CFH: variants seen among roughly 807,000 people sequenced by gnomAD.
CFH encodes H factor 1 (complement).
In CFH, 53 loss-of-function variants were observed where a neutral mutation model predicts 147.3. That is an observed-to-expected ratio of 0.36 (90% CI 0.29 to 0.45). The LOEUF (loss-of-function observed/expected upper bound fraction) is 0.45. Among genes scored for constraint, CFH ranks in the 20% least tolerant of loss-of-function variants. The pLI is 1.00. For missense variants in CFH, 1,380 were observed against 1,498.0 expected (o/e 0.92, Z 1.30); for synonymous variants, 536 against 489.4 (o/e 1.10, Z -1.26).
intron 15 of CFH, among the ~76,000 whole-genome samples, chr1:196,732,119 A>G (rs893592210): frequency 1.3e-5 from 2 of 152,000 alleles, no homozygotes; most frequent in Non-Finnish European, 2.9e-5. Context: ...GTGATAATGC[A>G]TACGTTATTC....
Position 196,745,922 on chromosome 1 carries a change from A to G in CFH, c.3416A>G (p.Gln1139Arg). The change falls in exon 21 of 22, where the codon CAG becomes CGG. Residue 1139 changes from glutamine to arginine, a missense_variant. Around this residue, in one of 4 missense-constraint regions of CFH, gnomAD observed 123 missense variants for 185.3 expected, o/e 0.66. Coordinates refer to ENST00000367429, the MANE Select transcript of CFH (RefSeq NM_000186.4). ...GCTTCATCAGTTGAGTACCAATGCC[A>G]GAACTTGTATCAACTTGAGGGTAAC... is the stretch of plus-strand genomic sequence containing the variant. ...APASSVEYQCQNLYQLEGNKR... is the reference protein window; with the variant it reads ...APASSVEYQCRNLYQLEGNKR... The G allele has an allele frequency of 6.2e-7, 1 of 1,614,160 alleles. No individual in the cohort carries two copies. The highest frequency in any genetic ancestry group is 2.2e-5 in the East Asian group (1 of 44,854).
chr1:196,728,595 T>C lies in CFH; in HGVS notation c.2413+73T>C. 8.3e-6 allele frequency: 12 copies of C among 1,440,174 alleles called. No individual in the cohort carries two copies. The South Asian group carries it at 1.4e-4, about 17-fold the overall frequency. The allele number at this position is 1,440,174 out of a possible 1,614,324, so 89.2% of individuals were successfully genotyped here. A position where few individuals can be genotyped will look rare whatever the true frequency, so the allele number is the denominator to read the frequency against. ...AAAAGTAATAGGTATGTGTGTCTTTTAAAAACTTTAGCTATTTATTATTAC... is the reference window on the plus strand; with the variant it reads ...AAAAGTAATAGGTATGTGTGTCTTTCAAAAACTTTAGCTATTTATTATTAC... On this transcript the variant is annotated intron_variant, in intron 15 of 21. Coordinates refer to ENST00000367429, the MANE Select transcript of CFH (RefSeq NM_000186.4).
At position 196,679,676 on chromosome 1, in the gene CFH, ATTAT is replaced by A; in HGVS notation, c.678_681del (p.Tyr227ArgfsTer53). 6.2e-7 allele frequency: 1 copy of A among 1,607,774 alleles called. No homozygotes were observed. The highest frequency in any genetic ancestry group is 8.5e-7 in the Non-Finnish European group (1 of 1,175,144). On this transcript the variant is annotated frameshift_variant, in exon 6 of 22. Transcript: ENST00000367429. LOFTEE classifies it high-confidence loss of function. ...AAATGGATCTCCTATATCTCAGAAG[ATTAT>A]TTATAAGGAGAATGAACGATTTCAA...
chr1:196,686,750 T>A (rs1667842710), intron 7 of CFH, among the ~76,000 whole-genome samples: 1 of 152,118 alleles, frequency 6.6e-6, no homozygotes, highest in Non-Finnish European at 1.5e-5. Flanking sequence ...CCCAAATGTA[T>A]CTAAACCAAC....
intron 6 of CFH, among the ~76,000 whole-genome samples, chr1:196,682,280 TAACTTCA>T (rs1335792846): frequency 1.3e-5 from 2 of 151,946 alleles, no homozygotes; most frequent in African/African-American, 2.4e-5. Context: ...ATTAGTATTC[TAACTTCA>T]AATGACCAAT....
chr1:196,679,700 T>C lies in CFH; in HGVS notation c.697T>C (p.Phe233Leu). The C allele has an allele frequency of 4.3e-6, 7 of 1,610,570 alleles. No homozygotes were observed. The highest frequency in any genetic ancestry group is 5.9e-6 in the Non-Finnish European group (7 of 1,177,460). ...QKIIYKENERFQYKCNMGYEY... is the reference protein window; with the variant it reads ...QKIIYKENERLQYKCNMGYEY... Reference sequence around the variant, plus strand: ...GATTATTTATAAGGAGAATGAACGATTTCAATATAAATGTAACATGGGTTA... The same window carrying C: ...GATTATTTATAAGGAGAATGAACGACTTCAATATAAATGTAACATGGGTTA... The change falls in exon 6 of 22, where the codon TTT becomes CTT. Residue 233 changes from phenylalanine to leucine, a missense_variant. Phe to Leu is a conservative substitution (Grantham distance 22). Around this residue, in one of 4 missense-constraint regions of CFH, gnomAD observed 167 missense variants for 228.0 expected, o/e 0.73. Coordinates refer to ENST00000367429, the MANE Select transcript of CFH (RefSeq NM_000186.4).
rs751112988 is a variant in CFH at position 196,747,101 on chromosome 1, T to G, written c.3494-10T>G. 1.9e-6 allele frequency: 3 copies of G among 1,613,838 alleles called. No individual in the cohort carries two copies. The highest frequency in any genetic ancestry group is 2.7e-5 in the African/African-American group (2 of 75,016). ...CTTAATGTTTTATGTTTACTGTTTT[T>G]TATTTTCAGATCCGTGTGTAATATC... is the stretch of plus-strand genomic sequence containing the variant. On this transcript the variant is annotated splice_polypyrimidine_tract_variant and intron_variant, in intron 21 of 21. Transcript: ENST00000367429.
intron 11 of CFH, among the ~76,000 whole-genome samples, chr1:196,721,783 T>A (rs1669004041): frequency 6.6e-6 from 1 of 151,036 alleles, no homozygotes; most frequent in Non-Finnish European, 1.5e-5. Flanking sequence ...ATCTTCTTGC[T>A]TCCTTTATCA....
At chr1:196,703,376 G>A (rs930714599) in intron 9 of CFH, among the ~76,000 whole-genome samples, 1 of 152,128 alleles carries the variant, frequency 6.6e-6, no homozygotes, top group African/African-American at 2.4e-5. Context: ...TCAGCCTTCT[G>A]CCCACCAAAT....
At position 196,689,595 on chromosome 1, in the gene CFH, G is replaced by A. The variant is rs1273044132; in HGVS notation, c.1140G>A (p.Ser380=). ...DHIHCTQDGW[S]PAVPCLRKCY... is the part of the protein sequence containing the mutation. ...TTCATTGCACACAAGATGGATGGTC[G>A]CCAGCAGTACCATGCCTCAGTAAGT... Residue 380 remains serine (S), a synonymous_variant, in exon 8 of 22, where the codon TCG becomes TCA. Transcript: ENST00000367429. 4.3e-6 allele frequency: 7 copies of A among 1,613,226 alleles called. No homozygotes were observed. The highest frequency in any genetic ancestry group is 1.7e-5 in the Admixed American group (1 of 59,908).
At chr1:196,685,317 AC>A in intron 7 of CFH, 80 bp downstream of exon 7, 4 of 1,399,394 alleles carry the variant, frequency 2.9e-6, no homozygotes, top group Non-Finnish European at 4.1e-6. Context: ...ACTCAATAAA[AC>A]CAAATATTTG....
intron 1 of CFH, among the ~76,000 whole-genome samples, chr1:196,660,268 T>C (rs1384379961): frequency 1.3e-5 from 2 of 152,122 alleles, no homozygotes; most frequent in Non-Finnish European, 2.9e-5. Flanking sequence ...CAACAAAATA[T>C]AAACAAATAA....
At chr1:196,707,358 T>C (rs1257826255) in intron 9 of CFH, among the ~76,000 whole-genome samples, 1 of 152,148 alleles carries the variant, frequency 6.6e-6, no homozygotes, top group Non-Finnish European at 1.5e-5. Context: ...CATAAATAAA[T>C]TAGATATTAT....
chr1:196,685,257 T>G lies in CFH; in HGVS notation c.964+20T>G. On this transcript the variant is annotated intron_variant, in intron 7 of 21. Transcript: ENST00000367429. ...GTACCTGTAAGTTCCATTCATATCT[T>G]GACCCATTTCTTAATTCTGAAATTT... The G allele has an allele frequency of 2.5e-6, 4 of 1,611,844 alleles. No individual in the cohort carries two copies. Among genetic ancestry groups the G allele is most frequent in the South Asian group, 1.1e-5 (1 of 91,048 alleles).
intron 1 of CFH, among the ~76,000 whole-genome samples, chr1:196,656,719 T>TAGA (rs1666706926): frequency 1.4e-5 from 2 of 148,130 alleles, no homozygotes; most frequent in Non-Finnish European, 3.0e-5. Flanking sequence ...TTCAGGGTCC[T>TAGA]AATTGTACTG....
At chr1:196,689,801 A>G (rs1463838038) in intron 8 of CFH, among the ~76,000 whole-genome samples, 187 bp downstream of exon 8, 2 of 152,114 alleles carry the variant, frequency 1.3e-5, no homozygotes, top group East Asian at 1.9e-4. Context: ...CACAGGAGAA[A>G]TAAATATAGG....
chr1:196,708,767 T>A (rs1325349690), intron 9 of CFH, among the ~76,000 whole-genome samples: 1 of 152,126 alleles, frequency 6.6e-6, no homozygotes, highest in Non-Finnish European at 1.5e-5. Context: ...CTTACTGAGA[T>A]ACTTCTCAGT....
chr1:196,721,550 G>A lies in CFH; in HGVS notation c.1697-3571G>A, dbSNP rs114580526. On this transcript the variant is annotated intron_variant, in intron 11 of 21. Transcript: ENST00000367429. ...TTCTGAGGTTGTTGGGTGGAATGTCGTTAAAATGTCTGTTAGGTCCATTTG... is the reference window on the plus strand; with the variant it reads ...TTCTGAGGTTGTTGGGTGGAATGTCATTAAAATGTCTGTTAGGTCCATTTG... Among the ~76,000 whole-genome samples the A allele has an allele frequency of 8.3e-3, 1,257 of 152,070 alleles. 13 individuals carry two copies. Among genetic ancestry groups the A allele is most frequent in the East Asian group, 0.021 (107 of 5,180 alleles).
At chr1:196,663,444 A>G (rs1666972774) in intron 1 of CFH, among the ~76,000 whole-genome samples, 1 of 152,170 alleles carries the variant, frequency 6.6e-6, no homozygotes, top group Non-Finnish European at 1.5e-5. Context: ...ACTTTGTTAT[A>G]ATTTCTTTCC....
Sources: gnomAD v4.1 joint callset for allele counts (sites outside exome capture counted in the v4.1 genomes callset) on GRCh38, gnomAD v4.1.1 for gene constraint, gnomAD v4.1.1 regional missense constraint, MANE v1.5 for transcripts, NCBI Gene and HGNC (gene_info 2026-07-23, HGNC 2026-07-21) for gene names.